SLAMF7: variants seen among roughly 807,000 people sequenced by gnomAD.
SLAMF7 encodes the protein 19A24 protein.
In SLAMF7, 26 loss-of-function variants were observed where a neutral mutation model predicts 34.1. The ratio of observed to expected loss-of-function variants is 0.76; its 90% CI spans 0.56 to 1.06. The LOEUF (loss-of-function observed/expected upper bound fraction) is 1.06, where lower values mean the gene tolerates loss of function less well. SLAMF7 is among the 50% of genes least tolerant of loss of function. SLAMF7 has a pLI of 0.00. For synonymous variants in SLAMF7, 171 were observed against 156.4 expected, an observed-to-expected ratio of 1.09 and a Z score of -0.70; for missense variants, 399 against 402.5, an observed-to-expected ratio of 0.99 and a Z score of 0.07.
intron 1 of SLAMF7, among the ~76,000 whole-genome samples, chr1:160,747,974 T>G (rs986135907): frequency 1.3e-5 from 2 of 152,174 alleles, no homozygotes; most frequent in Non-Finnish European, 2.9e-5. Context: ...GAACTAAGAT[T>G]GTTGTGATAC....
rs1177223314 is a variant in SLAMF7 at position 160,750,077 on chromosome 1, C to T, written c.633C>T (p.Ala211=). ...GAAACTTCTCAAGCCCCATCCTTGC[C>T]AGGAAGCTCTGTGAAGGTGACTGCC... is the stretch of plus-strand genomic sequence containing the variant. The part of the protein sequence containing the change: ...VSRNFSSPIL[A]RKLCEGAADD... Residue 211 remains alanine, a synonymous_variant, in exon 3 of 7, where the codon GCC becomes GCT. Coordinates refer to ENST00000368043, the MANE Select transcript of SLAMF7 (RefSeq NM_021181.5). The T allele has an allele frequency of 6.2e-7, 1 of 1,613,938 alleles. No homozygotes were observed.
chr1:160,750,245 G>T, intron 3 of SLAMF7, 59 bp from the exon 4 acceptor site: 1 of 1,597,832 alleles, frequency 6.3e-7, no homozygotes, highest in Non-Finnish European at 8.5e-7. Flanking sequence ...TCCAAGACCT[G>T]GGTCGTTTTC....
intron 1 of SLAMF7, among the ~76,000 whole-genome samples, chr1:160,742,424 G>T (rs1356275363): frequency 6.6e-6 from 1 of 152,164 alleles, no homozygotes; most frequent in South Asian, 2.1e-4. Context: ...CCATCCAAAG[G>T]TGTTTTGGGA....
intron 4 of SLAMF7, 118 bp downstream of exon 4, chr1:160,750,541 T>C: frequency 8.2e-7 from 1 of 1,217,072 alleles, no homozygotes; most frequent in Non-Finnish European, 1.2e-6. Flanking sequence ...GATGCAGAGA[T>C]GAAGAAGCCA....
At chr1:160,745,977 A>G (rs373801889) in intron 1 of SLAMF7, among the ~76,000 whole-genome samples, 10 of 152,292 alleles carry the variant, frequency 6.6e-5, no homozygotes, top group African/African-American at 2.4e-4. Flanking sequence ...TGATATCTGG[A>G]TATGTCTGTA....
chr1:160,751,418 C>G lies in SLAMF7; in HGVS notation c.843C>G (p.Asn281Lys), dbSNP rs770488249. 1.9e-6 allele frequency: 3 copies of G among 1,613,842 alleles called. No homozygotes were observed. Among genetic ancestry groups the G allele is most frequent in the Non-Finnish European group, 2.5e-6 (3 of 1,179,766 alleles). The change falls in exon 5 of 7, where the codon AAC becomes AAG. Residue 281 changes from asparagine (N) to lysine (K), a missense_variant. By Grantham distance (94) the Asn-to-Lys change is moderately conservative. Coordinates refer to ENST00000368043, the MANE Select transcript of SLAMF7 (RefSeq NM_021181.5). ...TPNICPHSGE[N>K]TEYDTIPHTN... ...ACATATGCCCCCATTCTGGAGAGAA[C>G]ACAGAGTACGACACAATCCCTCACA...
chr1:160,747,636 T>C (rs1288160825), intron 1 of SLAMF7, among the ~76,000 whole-genome samples: 1 of 151,998 alleles, frequency 6.6e-6, no homozygotes, highest in Non-Finnish European at 1.5e-5. Context: ...GACGTGGAGG[T>C]TGTAGTGAGC....
chr1:160,742,007 C>T (rs540901304), intron 1 of SLAMF7, among the ~76,000 whole-genome samples: 99 of 152,210 alleles, frequency 6.5e-4, no homozygotes, highest in African/African-American at 2.3e-3. Flanking sequence ...CAGAGAAGTG[C>T]TTGGGGACGG....
intron 1 of SLAMF7, among the ~76,000 whole-genome samples, chr1:160,741,224 A>G (rs1663718219): frequency 6.6e-6 from 1 of 152,208 alleles, no homozygotes; most frequent in South Asian, 2.1e-4. Context: ...GTAATCTGCC[A>G]ATGATTTGAT....
intron 1 of SLAMF7, among the ~76,000 whole-genome samples, chr1:160,740,009 A>AAGTG (rs775165812): frequency 7.2e-5 from 11 of 152,104 alleles, no homozygotes; most frequent in Non-Finnish European, 1.0e-4. Flanking sequence ...GGAGCCCTAT[A>AAGTG]AGTGAGAAAT....
Position 160,748,250 on chromosome 1 carries a change from A to T in SLAMF7, c.112A>T (p.Thr38Ser). 1 of 1,614,076 alleles carries T rather than the reference A, an allele frequency of 6.2e-7. No individual in the cohort carries two copies. The highest frequency in any genetic ancestry group is 1.1e-5 in the South Asian group (1 of 91,074). The change falls in exon 2 of 7, where the codon ACT (threonine) becomes TCT (serine). Residue 38 changes from threonine to serine, a missense_variant. By Grantham distance (58) the Thr-to-Ser change is moderately conservative. Coordinates refer to ENST00000368043, the MANE Select transcript of SLAMF7 (RefSeq NM_021181.5). ...ELVGSVGGAV[T>S]FPLKSKVKQV... The stretch of plus-strand genomic sequence containing the variant: ...GGTCGGTTCCGTTGGTGGGGCCGTG[A>T]CTTTCCCCCTGAAGTCCAAAGTAAA...
chr1:160,749,790 T>C (rs1664409410), intron 2 of SLAMF7, 31 bp from the exon 3 acceptor site: 12 of 1,534,744 alleles, frequency 7.8e-6, no homozygotes, highest in Non-Finnish European at 1.1e-5. Flanking sequence ...ATAGGCAGAG[T>C]TTCCACCTCT....
chr1:160,739,968 T>A (rs1663598282), intron 1 of SLAMF7, among the ~76,000 whole-genome samples: 1 of 152,148 alleles, frequency 6.6e-6, no homozygotes, highest in Non-Finnish European at 1.5e-5. Context: ...TTTGAAGATT[T>A]TTCTATCCTA....
Position 160,753,459 on chromosome 1 carries a change from TC to T in SLAMF7, c.*284del. ...CCATAAAAAAAGTGCTTAGAAGTAT[TC>T]CTATAAAAATGTAAATGCAAGGTCA... On this transcript the variant is annotated 3_prime_UTR_variant, in exon 7 of 7. Transcript: ENST00000368043. 1 of 451,048 alleles carries T rather than the reference TC, an allele frequency of 2.2e-6. No individual in the cohort carries two copies. The highest frequency in any genetic ancestry group is 3.0e-5 in the South Asian group (1 of 33,242). 27.9% of individuals were successfully genotyped at this position (451,048 alleles called of 1,614,324 possible). A position where few individuals can be genotyped will look rare whatever the true frequency, so the allele number is the denominator to read the frequency against.
At chr1:160,749,730 G>A (rs776406715) in intron 2 of SLAMF7, 91 bp from the exon 3 acceptor site, 11 of 1,164,138 alleles carry the variant, frequency 9.4e-6, no homozygotes, top group Non-Finnish European at 1.3e-5. Flanking sequence ...GGAGCTCCCA[G>A]GGAGATTCAG....
At chr1:160,741,403 G>C (rs535331476) in intron 1 of SLAMF7, among the ~76,000 whole-genome samples, 1 of 152,336 alleles carries the variant, frequency 6.6e-6, no homozygotes, top group African/African-American at 2.4e-5. Context: ...GTTAGGGCTA[G>C]AGTGATGGGA....
In SLAMF7 at chr1:160,751,463, A is replaced by C; in HGVS notation, c.873+15A>C. The C allele has an allele frequency of 1.3e-6, 2 of 1,591,976 alleles. No homozygotes were observed. Among genetic ancestry groups the C allele is most frequent in the Non-Finnish European group, 1.7e-6 (2 of 1,159,924 alleles). The stretch of plus-strand genomic sequence containing the variant: ...CTCACACTAATGTGAGTCCCTTCTC[A>C]TCTTTCCTGAGAACTGATCCTGTCT... On this transcript the variant is annotated intron_variant, in intron 5 of 6. Coordinates refer to ENST00000368043, the MANE Select transcript of SLAMF7 (RefSeq NM_021181.5).
intron 1 of SLAMF7, among the ~76,000 whole-genome samples, chr1:160,744,284 C>T (rs532674988): frequency 1.8e-4 from 28 of 152,314 alleles, no homozygotes; most frequent in African/African-American, 6.3e-4. Context: ...GATCCCTTTT[C>T]GTAGTCAGCT....
rs1347398391 is a variant in SLAMF7 at position 160,750,044 on chromosome 1, T to C, written c.600T>C (p.Pro200=). The C allele has an allele frequency of 6.2e-7, 1 of 1,614,016 alleles. No homozygotes were observed. Among genetic ancestry groups the C allele is most frequent in the Non-Finnish European group, 8.5e-7 (1 of 1,179,992 alleles). The part of the protein sequence containing the change: ...DMTFICVARN[P]VSRNFSSPIL... The stretch of plus-strand genomic sequence containing the variant: ...CCTTCATCTGCGTTGCCAGGAACCC[T>C]GTCAGCAGAAACTTCTCAAGCCCCA... The change falls in exon 3 of 7, where the codon CCT becomes CCC. Residue 200 remains proline, a synonymous_variant. Coordinates refer to ENST00000368043, the MANE Select transcript of SLAMF7 (RefSeq NM_021181.5).
Sources: allele counts gnomAD v4.1 joint callset (sites outside exome capture counted in the v4.1 genomes callset), GRCh38; gene constraint gnomAD v4.1.1; transcripts MANE v1.5; gene names NCBI Gene and HGNC (gene_info 2026-07-23, HGNC 2026-07-21).